Variants in CENPV observed in about 807,000 individuals in gnomAD.
CENPV encodes centromere protein V.
In CENPV, 15 loss-of-function variants were observed where a neutral mutation model predicts 26.4. The ratio of observed to expected loss-of-function variants is 0.57; its 90% confidence interval spans 0.38 to 0.88. The LOEUF is 0.88. CENPV is among the 40% of genes least tolerant of loss of function. CENPV has a pLI of 0.00. For missense variants in CENPV, 336 were observed against 376.5 expected, an observed-to-expected ratio of 0.89 and a Z score of 0.89; for synonymous variants, 172 against 165.5, an observed-to-expected ratio of 1.04 and a Z score of -0.30.
At chr17:16,348,839 G>C in intron 2 of CENPV, 154 bp from the exon 3 acceptor site, 4 of 1,431,576 alleles carry the variant, frequency 2.8e-6, no homozygotes, top group Non-Finnish European at 3.7e-6. Context: ...CTGGATAGCA[G>C]TGCCTCTGGT....
chr17:16,353,215 G>C lies in CENPV; in HGVS notation c.222C>G (p.Gly74=). The C allele has an allele frequency of 7.2e-7, 1 of 1,383,430 alleles. No individual in the cohort carries two copies. The highest frequency in any genetic ancestry group is 9.3e-7 in the Non-Finnish European group (1 of 1,075,198). The allele number at this position is 1,383,430 out of a possible 1,614,324, so 85.7% of individuals were successfully genotyped here. A position where few individuals can be genotyped will look rare whatever the true frequency, so the allele number is the denominator to read the frequency against. The change falls in exon 1 of 5, where the codon GGC becomes GGG. Residue 74 remains glycine (G), a synonymous_variant. Transcript: ENST00000299736. ...GCTCAGGCGGCGGCGGCTCCCCCGG[G>C]CCCTCCTCCTGGGCCCGCGGCGACG... ...RRSSPRAQEE[G]PGEPPPPELA... is the part of the protein sequence containing the mutation.
rs778078087 is a variant in CENPV, at chr17:16,344,639, C to T, written c.652G>A (p.Val218Ile). ...AQHTFCKRCGVQSFYTPRSNP... is the reference protein window; with the variant it reads ...AQHTFCKRCGIQSFYTPRSNP... ...GATCGTGGAGTATAGAAGCTCTGAA[C>T]GCCACATCTCTTACAGAAGGTATGC... is the stretch of plus-strand genomic sequence containing the variant. The change falls in exon 4 of 5, where the codon GTT (valine) becomes ATT (isoleucine). Residue 218 changes from valine to isoleucine, a missense_variant. By Grantham distance (29) the Val-to-Ile change is conservative. Around this residue, in one of 2 missense-constraint regions of CENPV, gnomAD observed 155 missense variants for 227.8 expected, o/e 0.68. Coordinates refer to ENST00000299736, the MANE Select transcript of CENPV (RefSeq NM_181716.3). 1.9e-6 allele frequency: 3 copies of T among 1,599,292 alleles called. No individual in the cohort carries two copies. The highest frequency in any genetic ancestry group is 2.6e-6 in the Non-Finnish European group (3 of 1,173,608).
Position 16,353,262 on chromosome 17 carries a change from C to G in CENPV, c.175G>C (p.Glu59Gln). 5 of 1,418,542 alleles carry G rather than the reference C, an allele frequency of 3.5e-6. No homozygotes were observed. Among genetic ancestry groups the G allele is most frequent in the South Asian group, 1.4e-5 (1 of 69,566 alleles). 87.9% of individuals were successfully genotyped at this position (1,418,542 alleles called of 1,614,324 possible). ...GACGAGCGCCTCAGCCGCGGCTTCT[C>G]CGACGGCGGCTTCTCCACCGCCTGG... The part of the protein sequence containing the change: ...KSQAVEKPPS[E>Q]KPRLRRSSPR... The change falls in exon 1 of 5, where the codon GAG (glutamate) becomes CAG (glutamine). Residue 59 changes from glutamate (E) to glutamine (Q), a missense_variant. Glu to Gln is a conservative substitution (Grantham distance 29, BLOSUM62 2). Coordinates refer to ENST00000299736, the MANE Select transcript of CENPV (RefSeq NM_181716.3).
chr17:16,343,637 T>G (rs552900972), intron 4 of CENPV, among the ~76,000 whole-genome samples: 3 of 152,160 alleles, frequency 2.0e-5, no homozygotes, highest in Non-Finnish European at 2.9e-5. Context: ...TTGCACAGGA[T>G]TTCATACTTT....
At chr17:16,350,125 G>A in intron 1 of CENPV, 96 bp from the exon 2 acceptor site, 2 of 1,454,874 alleles carry the variant, frequency 1.4e-6, no homozygotes, top group Non-Finnish European at 1.9e-6. Context: ...TTAGACAAAA[G>A]TCTTTTCTAC....
intron 4 of CENPV, chr17:16,344,240 T>C (rs1675097226): frequency 6.1e-6 from 1 of 164,206 alleles, no homozygotes; most frequent in African/African-American, 2.4e-5. Context: ...ACCCCTGTCA[T>C]TATTAAAGCT....
At chr17:16,348,558 G>C in intron 3 of CENPV, 58 bp downstream of exon 3, 1 of 1,606,122 alleles carries the variant, frequency 6.2e-7, no homozygotes, top group South Asian at 1.1e-5. Context: ...TGGGTGGGGG[G>C]TCCTGTAAAT....
rs1403101720 is a variant in CENPV, at chr17:16,353,393, T to G, written c.44A>C (p.Gln15Pro). 4.0e-6 allele frequency: 3 copies of G among 754,484 alleles called. No individual in the cohort carries two copies. In the East Asian group the frequency reaches 3.3e-4, roughly 84 times the overall value. The allele number at this position is 754,484 out of a possible 1,614,324, so 46.7% of individuals were successfully genotyped here. The change falls in exon 1 of 5, where the codon CAG (glutamine) becomes CCG (proline). Residue 15 changes from glutamine (Q) to proline (P), a missense_variant. Physicochemically the swap from Gln to Pro is moderately conservative, Grantham distance 76. Transcript: ENST00000299736. ...RSSAAAKLRG[Q>P]KRSGASAAPA... ...GGCCGCGGAGGCCCCGGACCGCTTC[T>G]GCCCGCGCAGCTTGGCGGCCGCAGA...
chr17:16,347,719 T>TA (rs2093213229), intron 3 of CENPV: 1 of 151,848 alleles, frequency 6.6e-6, no homozygotes, highest in Non-Finnish European at 1.5e-5. Context: ...AGTGATGGGG[T>TA]AAGTAGACCA....
At chr17:16,351,908 T>C (rs886576602) in intron 1 of CENPV, 2 of 152,180 alleles carry the variant, frequency 1.3e-5, no homozygotes, top group Non-Finnish European at 2.9e-5. Flanking sequence ...CGTCACCCTA[T>C]AGGTGCTCAA....
At chr17:16,346,508 T>C (rs780144965) in intron 3 of CENPV, among the ~76,000 whole-genome samples, 2 of 152,158 alleles carry the variant, frequency 1.3e-5, no homozygotes, top group African/African-American at 2.4e-5. Context: ...CCCAGCACTT[T>C]GGGAGGCCAA....
chr17:16,352,954 G>A (rs899742999), intron 1 of CENPV, 73 bp downstream of exon 1: 194 of 1,438,954 alleles, frequency 1.3e-4, no homozygotes, highest in Non-Finnish European at 7.7e-5. Context: ...CTGCACGCGG[G>A]CTGCGAGCCC....
At chr17:16,348,945 A>C in intron 2 of CENPV, 1 of 1,219,746 alleles carries the variant, frequency 8.2e-7, no homozygotes, top group South Asian at 2.2e-5. Context: ...TGTACTGCCC[A>C]CCCCTCAGTT....
chr17:16,348,551 G>T, intron 3 of CENPV, 65 bp downstream of exon 3: 2 of 1,603,844 alleles, frequency 1.2e-6, no homozygotes, highest in South Asian at 1.1e-5. Context: ...TAACAGTTGG[G>T]TGGGGGGTCC....
chr17:16,346,614 G>T (rs373770025), intron 3 of CENPV, among the ~76,000 whole-genome samples: 1 of 152,014 alleles, frequency 6.6e-6, no homozygotes, highest in Admixed American at 6.6e-5. Context: ...AGCCAGATGT[G>T]GTGGCGGGCA....
chr17:16,346,189 A>C (rs1156542305), intron 3 of CENPV, among the ~76,000 whole-genome samples: 2 of 152,210 alleles, frequency 1.3e-5, no homozygotes, highest in Non-Finnish European at 2.9e-5. Context: ...CATCTACCAA[A>C]ATTTTAAAGT....
intron 1 of CENPV, 72 bp from the exon 2 acceptor site, chr17:16,350,101 A>G: frequency 6.4e-7 from 1 of 1,556,200 alleles, no homozygotes. Flanking sequence ...TGTTGCTGAA[A>G]GAAAGACAGA....
At position 16,353,154 on chromosome 17, in the gene CENPV, TCGGCGGCGGCGG is replaced by T; in HGVS notation, c.271_282del (p.Pro91_Pro94del). ...GCCGAGGACGTCGGGGTCGCGGGAG[TCGGCGGCGGCGG>T]CGGCGGTGGCGGGAGCAACGCCAGC... On this transcript the variant is annotated inframe_deletion, in exon 1 of 5. Coordinates refer to ENST00000299736, the MANE Select transcript of CENPV (RefSeq NM_181716.3). 1 of 1,466,190 alleles carries T rather than the reference TCGGCGGCGGCGG, an allele frequency of 6.8e-7. No homozygotes were observed. Among genetic ancestry groups the T allele is most frequent in the South Asian group, 1.4e-5 (1 of 73,904 alleles). The allele number at this position is 1,466,190 out of a possible 1,614,324, so 90.8% of individuals were successfully genotyped here. A position where few individuals can be genotyped will look rare whatever the true frequency, so the allele number is the denominator to read the frequency against.
chr17:16,353,213 G>T lies in CENPV; in HGVS notation c.224C>A (p.Pro75Gln), dbSNP rs1443003667. ...CAGCTCAGGCGGCGGCGGCTCCCCCGGGCCCTCCTCCTGGGCCCGCGGCGA... is the reference window on the plus strand; with the variant it reads ...CAGCTCAGGCGGCGGCGGCTCCCCCTGGCCCTCCTCCTGGGCCCGCGGCGA... ...RSSPRAQEEG[P>Q]GEPPPPELAL... The change falls in exon 1 of 5, where the codon CCG (proline) becomes CAG (glutamine). Residue 75 changes from proline (P) to glutamine (Q), a missense_variant. Pro to Gln is a moderately conservative substitution (Grantham distance 76, BLOSUM62 -1). This residue lies in a region of CENPV where 181 missense variants were observed against 148.8 expected (regional missense o/e 1.22). Transcript: ENST00000299736. 8.7e-6 allele frequency: 12 copies of T among 1,381,748 alleles called. No homozygotes were observed. Among genetic ancestry groups the T allele is most frequent in the East Asian group, 3.1e-5 (1 of 32,568 alleles). 85.6% of individuals were successfully genotyped at this position (1,381,748 alleles called of 1,614,324 possible).
Sources: allele counts gnomAD v4.1 joint callset (sites outside exome capture counted in the v4.1 genomes callset), GRCh38; gene constraint gnomAD v4.1.1; regional missense constraint gnomAD v4.1.1; transcripts MANE v1.5; gene names NCBI Gene and HGNC (gene_info 2026-07-23, HGNC 2026-07-21).